LAD1: variants seen among roughly 807,000 people sequenced by gnomAD.
The protein encoded by LAD1 is ladinin 1.
In LAD1, 53 loss-of-function variants were observed where a neutral mutation model predicts 54.2. The ratio of observed to expected loss-of-function variants is 0.98; its 90% CI spans 0.78 to 1.23. The LOEUF (loss-of-function observed/expected upper bound fraction) is 1.23. LAD1 is among the 50% of genes most tolerant of loss of function. LAD1 has a pLI of 0.00. For missense variants in LAD1, 637 were observed against 653.3 expected (o/e 0.98, Z 0.27); for synonymous variants, 231 against 257.7 (o/e 0.90, Z 0.99).
At chr1:201,389,499 A>G (rs1240939674) in intron 1 of LAD1, among the ~76,000 whole-genome samples, 196 bp from the exon 2 acceptor site, 2 of 152,220 alleles carry the variant, frequency 1.3e-5, no homozygotes, top group African/African-American at 4.8e-5. Flanking sequence ...CTTGAAGACC[A>G]GTGAAAGGTC....
At chr1:201,393,710 C>A (rs958995305) in intron 1 of LAD1, among the ~76,000 whole-genome samples, 4 of 148,298 alleles carry the variant, frequency 2.7e-5, no homozygotes, top group African/African-American at 1.0e-4. Context: ...CACGCCACTG[C>A]ACTCCAGCCT....
At chr1:201,390,404 G>A (rs985337770) in intron 1 of LAD1, among the ~76,000 whole-genome samples, 2 of 151,936 alleles carry the variant, frequency 1.3e-5, no homozygotes, top group African/African-American at 4.8e-5. Context: ...GGGCATAGCG[G>A]TGCATGCCTA....
intron 1 of LAD1, 30 bp downstream of exon 1, chr1:201,399,239 C>A: frequency 6.5e-7 from 1 of 1,534,914 alleles, no homozygotes; most frequent in East Asian, 2.4e-5. Context: ...CGCCGACCCC[C>A]CGCCCCTCCC....
At chr1:201,389,419 T>C (rs774504769) in intron 1 of LAD1, 116 bp from the exon 2 acceptor site, 28 of 1,235,534 alleles carry the variant, frequency 2.3e-5, no homozygotes, top group African/African-American at 1.7e-4. Context: ...CACTGGCTAC[T>C]AGCAGCTCAG....
Position 201,381,628 on chromosome 1 carries a change from G to C in LAD1, c.*260C>G. On this transcript the variant is annotated 3_prime_UTR_variant, in exon 10 of 10. Coordinates refer to ENST00000391967, the MANE Select transcript of LAD1 (RefSeq NM_005558.4). ...TAGTGCTGATGTGCACTTGTGCTGT[G>C]ACCTGGGCAGAGACTGGGTCCCAGC... 1.7e-6 allele frequency: 1 copy of C among 581,000 alleles called. No individual in the cohort carries two copies. Among genetic ancestry groups the C allele is most frequent in the African/African-American group, 1.9e-5 (1 of 53,342 alleles). The allele number at this position is 581,000 out of a possible 1,614,324, so 36.0% of individuals were successfully genotyped here.
Position 201,386,635 on chromosome 1 carries a change from C to G in LAD1, c.726G>C (p.Ser242=). 1 of 1,614,148 alleles carries G rather than the reference C, an allele frequency of 6.2e-7. No individual in the cohort carries two copies. Among genetic ancestry groups the G allele is most frequent in the Non-Finnish European group, 8.5e-7 (1 of 1,179,984 alleles). ...AGCCCAGTGCCATCCCTGGGGCCAG[C>G]GACTTCTCAGAGACACTGGTTTTTT... is the stretch of plus-strand genomic sequence containing the variant. ...VLEKTSVSEK[S]LAPGMALGSG... The change falls in exon 3 of 10, where the codon TCG becomes TCC. Residue 242 remains serine (S), a synonymous_variant. Coordinates refer to ENST00000391967, the MANE Select transcript of LAD1 (RefSeq NM_005558.4).
chr1:201,390,580 C>T (rs1662180387), intron 1 of LAD1, among the ~76,000 whole-genome samples: 1 of 152,128 alleles, frequency 6.6e-6, no homozygotes. Context: ...ATACGTCTAT[C>T]AAATTCCTAG....
intron 7 of LAD1, 62 bp downstream of exon 7, chr1:201,383,012 T>C: frequency 6.5e-7 from 1 of 1,543,390 alleles, no homozygotes; most frequent in Non-Finnish European, 8.7e-7. Context: ...CAGCCAAGAT[T>C]TGGGTTTTGG....
rs75361925 is a variant in LAD1 at position 201,396,856 on chromosome 1, G to A, written c.38+2413C>T. Among the ~76,000 whole-genome samples the A allele has an allele frequency of 5.8e-3, 886 of 152,272 alleles. 12 individuals carry two copies. Among genetic ancestry groups the A allele is most frequent in the African/African-American group, 0.021 (854 of 41,542 alleles). On this transcript the variant is annotated intron_variant, in intron 1 of 9. Coordinates refer to ENST00000391967, the MANE Select transcript of LAD1 (RefSeq NM_005558.4). ...AGAGGTGTCTGGAGAACCCAGGGCA[G>A]CGATTGGAAGTAGGAGGGCGGCTCA...
intron 1 of LAD1, among the ~76,000 whole-genome samples, chr1:201,393,981 TG>T (rs960149819): frequency 1.3e-5 from 2 of 149,120 alleles, no homozygotes; most frequent in African/African-American, 5.0e-5. Flanking sequence ...GAGGCCAAGG[TG>T]GGAGGATTAC....
chr1:201,383,298 A>G lies in LAD1; in HGVS notation c.1248+19T>C. 1 of 1,613,990 alleles carries G rather than the reference A, an allele frequency of 6.2e-7. No homozygotes were observed. ...ACTCATCCTGCACCCTCCGCCCCTC[A>G]GGAGAAGCCCCCACCCACCCGTATG... is the stretch of plus-strand genomic sequence containing the variant. On this transcript the variant is annotated intron_variant, in intron 6 of 9. Coordinates refer to ENST00000391967, the MANE Select transcript of LAD1 (RefSeq NM_005558.4).
At position 201,383,349 on chromosome 1, in the gene LAD1, C is replaced by A. The variant is rs762184036; in HGVS notation, c.1216G>T (p.Glu406Ter). The A allele has an allele frequency of 6.2e-7, 1 of 1,614,082 alleles. No individual in the cohort carries two copies. The highest frequency in any genetic ancestry group is 8.5e-7 in the Non-Finnish European group (1 of 1,180,022). The change falls in exon 6 of 10, where the codon GAG becomes TAG. Residue 406 changes from glutamate to a stop codon, truncating the protein, a stop_gained. Coordinates refer to ENST00000391967, the MANE Select transcript of LAD1 (RefSeq NM_005558.4). LOFTEE classifies it high-confidence loss of function. Reference sequence around the variant, plus strand: ...GCCGTGTGGTATCTCTCCAGCTTCTCTCCCAACTTCACTGTGTTGTCTGGG... The same window carrying A: ...GCCGTGTGGTATCTCTCCAGCTTCTATCCCAACTTCACTGTGTTGTCTGGG... ...KLPDNTVKLG[E>*]KLERYHTAIR...
chr1:201,388,809 G>A (rs1247593153), intron 2 of LAD1, among the ~76,000 whole-genome samples: 2 of 152,168 alleles, frequency 1.3e-5, no homozygotes, highest in East Asian at 3.8e-4. Flanking sequence ...CTTGAGGTAC[G>A]TGACCTCAGC....
chr1:201,396,952 C>G (rs1316422695), intron 1 of LAD1, among the ~76,000 whole-genome samples: 3 of 152,186 alleles, frequency 2.0e-5, no homozygotes, highest in African/African-American at 4.8e-5. Flanking sequence ...CCCCTCACCC[C>G]CTGCAGACAG....
rs1661968606 is a variant in LAD1 at position 201,381,844 on chromosome 1, GT to G, written c.*43del. The G allele has an allele frequency of 6.2e-7, 1 of 1,608,500 alleles. No individual in the cohort carries two copies. The highest frequency in any genetic ancestry group is 8.5e-7 in the Non-Finnish European group (1 of 1,175,010). On this transcript the variant is annotated 3_prime_UTR_variant, in exon 10 of 10. Coordinates refer to ENST00000391967, the MANE Select transcript of LAD1 (RefSeq NM_005558.4). Reference sequence around the variant, plus strand: ...GAGGCAGGGGCCTGGCATGAGGGAGGTCCCTTGAGACGAAGACTTGCAGGTC... The same window carrying G: ...GAGGCAGGGGCCTGGCATGAGGGAGGCCCTTGAGACGAAGACTTGCAGGTC...
At chr1:201,383,244 G>A (rs1661999204) in intron 6 of LAD1, 33 bp from the exon 7 acceptor site, 3 of 1,614,002 alleles carry the variant, frequency 1.9e-6, no homozygotes, top group Non-Finnish European at 2.5e-6. Flanking sequence ...GCTGACCCAT[G>A]CTGGGGAGGG....
intron 2 of LAD1, among the ~76,000 whole-genome samples, 164 bp from the exon 3 acceptor site, chr1:201,387,342 C>T (rs1020439969): frequency 1.3e-5 from 2 of 152,226 alleles, no homozygotes; most frequent in African/African-American, 4.8e-5. Context: ...ATATATTGCA[C>T]TTCCAAGGTA....
intron 9 of LAD1, 73 bp downstream of exon 9, chr1:201,382,179 A>ACGGGGACGATGGGGTCTCCCACAGTACAC: frequency 7.9e-7 from 1 of 1,273,534 alleles, no homozygotes; most frequent in Non-Finnish European, 1.1e-6. Context: ...GTGTGTGCAC[A>ACGGGGACGATGGGGTCTCCCACAGTACAC]CGGGGACGAT....
At chr1:201,393,217 G>T (rs920825352) in intron 1 of LAD1, among the ~76,000 whole-genome samples, 1 of 152,116 alleles carries the variant, frequency 6.6e-6, no homozygotes, top group Non-Finnish European at 1.5e-5. Flanking sequence ...TGCAGCCAGG[G>T]AGCTGGAAGG....
Sources: gnomAD v4.1 joint callset for allele counts (sites outside exome capture counted in the v4.1 genomes callset) on GRCh38, gnomAD v4.1.1 for gene constraint, MANE v1.5 for transcripts, NCBI Gene and HGNC (gene_info 2026-07-23, HGNC 2026-07-21) for gene names.